The following FLNB variants were observed in gnomAD, a reference collection of about 807,000 sequenced individuals.
FLNB encodes filamin-B.
In FLNB, 111 loss-of-function variants were observed where a neutral mutation model predicts 250.6. That is an observed-to-expected ratio of 0.44 (90% confidence interval 0.38 to 0.52). The LOEUF (loss-of-function observed/expected upper bound fraction) is 0.52. Ranked by LOEUF, FLNB falls within the 20% of genes least tolerant of loss-of-function variation. The pLI is 0.00. For missense variants in FLNB, 2,869 were observed against 3,447.8 expected (o/e 0.83, Z 4.20); for synonymous variants, 1,302 against 1,372.1 (o/e 0.95, Z 1.13).
At position 58,087,890 on chromosome 3, in the gene FLNB, A is replaced by AC. The variant is rs200329824; in HGVS notation, c.787+6116dup. Among the ~76,000 whole-genome samples the AC allele has an allele frequency of 8.7e-3, 1,326 of 152,018 alleles. 7 individuals are homozygous for AC. Among genetic ancestry groups the AC allele is most frequent in the Non-Finnish European group, 0.015 (993 of 67,978 alleles). On this transcript the variant is annotated intron_variant, in intron 4 of 45. Transcript: ENST00000295956. ...CAAGTAGCTGGGATTACAGGCATGC[A>AC]CCACCACACCCCGCCAATTTTGTAT...
intron 1 of FLNB, among the ~76,000 whole-genome samples, chr3:58,039,197 A>C (rs112487383): frequency 1.5e-4 from 20 of 129,416 alleles, no homozygotes; most frequent in African/African-American, 7.0e-4. Context: ...TCTCTACAGG[A>C]AAAAAAAAAA....
intron 18 of FLNB, among the ~76,000 whole-genome samples, chr3:58,113,441 G>A (rs1018349429): frequency 3.3e-5 from 5 of 152,212 alleles, no homozygotes; most frequent in African/African-American, 4.8e-5. Flanking sequence ...TCCTCTCAGC[G>A]AGGAGCAGTC....
chr3:58,111,938 G>T (rs531856025), intron 17 of FLNB, 57 bp downstream of exon 17: 1 of 1,426,444 alleles, frequency 7.0e-7, no homozygotes, highest in Admixed American at 1.7e-5. Context: ...GGCACTGGGC[G>T]TGTTTCATCC....
intron 25 of FLNB, 128 bp from the exon 26 acceptor site, chr3:58,132,680 C>A: frequency 8.5e-7 from 1 of 1,178,588 alleles, no homozygotes. Context: ...TGGTTGCTGG[C>A]CTTTTTGTTA....
At position 58,159,697 on chromosome 3, in the gene FLNB, G is replaced by A. The variant is rs755735140; in HGVS notation, c.7021+11G>A. ...CTGAGCTGGAGCCAGGTGAGCAGGAGGCCTGCTGGGGGGTCCCAGCACCAG... is the reference window on the plus strand; with the variant it reads ...CTGAGCTGGAGCCAGGTGAGCAGGAAGCCTGCTGGGGGGTCCCAGCACCAG... On this transcript the variant is annotated intron_variant, in intron 42 of 45. Transcript: ENST00000295956. 1.9e-6 allele frequency: 3 copies of A among 1,612,194 alleles called. No homozygotes were observed. The highest frequency in any genetic ancestry group is 2.5e-6 in the Non-Finnish European group (3 of 1,179,954).
intron 1 of FLNB, among the ~76,000 whole-genome samples, chr3:58,036,125 G>A (rs941278954): frequency 6.6e-6 from 1 of 152,214 alleles, no homozygotes; most frequent in South Asian, 2.1e-4. Flanking sequence ...CACAGAATGA[G>A]AAGGACGTGG....
rs1313990823 is a variant in FLNB at position 58,132,063 on chromosome 3, T to C, written c.4391-745T>C. 6 of 1,305,386 alleles carry C rather than the reference T, an allele frequency of 4.6e-6. No individual in the cohort carries two copies. The African/African-American group carries it at 5.8e-5, about 13-fold the overall frequency. The allele number at this position is 1,305,386 out of a possible 1,614,324, so 80.9% of individuals were successfully genotyped here. ...CTGCTGAATTATGTAACCCAAATGC[T>C]TCTTGCTGGCCTCACTTCTAAAATT... On this transcript the variant is annotated intron_variant, in intron 25 of 45. Coordinates refer to ENST00000295956, the MANE Select transcript of FLNB (RefSeq NM_001457.4).
chr3:58,079,917 A>G (rs2097206873), intron 3 of FLNB, among the ~76,000 whole-genome samples: 1 of 152,200 alleles, frequency 6.6e-6, no homozygotes, highest in Non-Finnish European at 1.5e-5. Context: ...GGAAGGTAGA[A>G]CAACATGCCT....
chr3:58,148,408 G>A (rs148228951), intron 35 of FLNB, 44 bp downstream of exon 35: 2 of 1,594,602 alleles, frequency 1.3e-6, no homozygotes, highest in South Asian at 2.3e-5. Context: ...GACATCTTGG[G>A]TGGGAGATGG....
chr3:58,050,177 G>A (rs995623962), intron 1 of FLNB, among the ~76,000 whole-genome samples: 2 of 151,886 alleles, frequency 1.3e-5, no homozygotes, highest in South Asian at 2.1e-4. Context: ...CTACAGCCAC[G>A]TGCCACCACA....
chr3:58,091,866 C>T (rs1267054911), intron 4 of FLNB, among the ~76,000 whole-genome samples: 5 of 152,134 alleles, frequency 3.3e-5, no homozygotes, highest in African/African-American at 1.2e-4. Context: ...CAAAATGTTG[C>T]TGAGACTGGG....
chr3:58,150,682 C>G, intron 38 of FLNB: 1 of 230,522 alleles, frequency 4.3e-6, no homozygotes, highest in South Asian at 6.4e-5. Flanking sequence ...CACATCTAGC[C>G]CTTTGGTGGT....
chr3:58,122,970 C>A, intron 20 of FLNB, 123 bp from the exon 21 acceptor site: 1 of 883,184 alleles, frequency 1.1e-6, no homozygotes, highest in Non-Finnish European at 1.9e-6. Flanking sequence ...ACACATAAAG[C>A]CCCAAGAGAA....
intron 1 of FLNB, among the ~76,000 whole-genome samples, chr3:58,073,404 C>A (rs2106933083): frequency 6.6e-6 from 1 of 152,084 alleles, no homozygotes; most frequent in East Asian, 1.9e-4. Flanking sequence ...GGGGTGGATT[C>A]CTTGGATAAC....
rs2097257703 is a variant in FLNB, at chr3:58,105,228, C to T, written c.1747+12C>T. ...AGTGGGGTCTCTGGGTAAGTGGACA[C>T]AGCTGACCAGCATCTTCTGGAGGAC... is the stretch of plus-strand genomic sequence containing the variant. On this transcript the variant is annotated intron_variant, in intron 11 of 45. Transcript: ENST00000295956. The T allele has an allele frequency of 5.0e-6, 8 of 1,613,980 alleles. No individual in the cohort carries two copies. The highest frequency in any genetic ancestry group is 6.8e-6 in the Non-Finnish European group (8 of 1,179,998).
At chr3:58,026,406 G>T (rs1166183310) in intron 1 of FLNB, among the ~76,000 whole-genome samples, 2 of 152,144 alleles carry the variant, frequency 1.3e-5, no homozygotes, top group Non-Finnish European at 2.9e-5. Flanking sequence ...AATTTTTGCT[G>T]CCCTGGGTGT....
At position 58,144,265 on chromosome 3, in the gene FLNB, A is replaced by AT. The variant is rs370540416; in HGVS notation, c.5425+659dup. 2.8e-3 allele frequency among the ~76,000 whole-genome samples: 426 copies of AT among 151,938 alleles called. 4 individuals carry two copies. The highest frequency in any genetic ancestry group is 8.4e-3 in the African/African-American group (348 of 41,428). On this transcript the variant is annotated intron_variant, in intron 32 of 45. Coordinates refer to ENST00000295956, the MANE Select transcript of FLNB (RefSeq NM_001457.4). ...TCAGAGTTTCAGGGTTTTATTTTTT[A>AT]TTTTTTTGTGGAGATAGGGTCTCAC... is the stretch of plus-strand genomic sequence containing the variant.
At position 58,126,636 on chromosome 3, in the gene FLNB, G is replaced by C. The variant is rs780346723; in HGVS notation, c.4096G>C (p.Glu1366Gln). ...AATTGGTGGGCTTGGCATAACTGTTGAGGGACCATCAGAGTCGAAGATAAA... is the reference window on the plus strand; with the variant it reads ...AATTGGTGGGCTTGGCATAACTGTTCAGGGACCATCAGAGTCGAAGATAAA... ...AGIGGLGITV[E>Q]GPSESKINCR... Residue 1366 changes from glutamate to glutamine, a missense_variant, in exon 24 of 46, where the codon GAG (glutamate) becomes CAG (glutamine). Glu to Gln is a conservative substitution (Grantham distance 29). This residue lies in a region of FLNB where 1,348 missense variants were observed against 1,466.7 expected (regional missense o/e 0.92). Coordinates refer to ENST00000295956, the MANE Select transcript of FLNB (RefSeq NM_001457.4). The C allele has an allele frequency of 6.2e-7, 1 of 1,614,060 alleles. No homozygotes were observed. Among genetic ancestry groups the C allele is most frequent in the Non-Finnish European group, 8.5e-7 (1 of 1,179,950 alleles).
intron 28 of FLNB, among the ~76,000 whole-genome samples, chr3:58,136,558 G>C (rs2097316343): frequency 6.6e-6 from 1 of 152,142 alleles, no homozygotes; most frequent in African/African-American, 2.4e-5. Flanking sequence ...ATTCATTCAA[G>C]AGCATTTCAG....
Sources: allele counts gnomAD v4.1 joint callset (sites outside exome capture counted in the v4.1 genomes callset), GRCh38; gene constraint gnomAD v4.1.1; regional missense constraint gnomAD v4.1.1; transcripts MANE v1.5; gene names NCBI Gene and HGNC (gene_info 2026-07-23, HGNC 2026-07-21).